SLC8A1: variants seen among roughly 807,000 people sequenced by gnomAD.
SLC8A1 encodes sodium/calcium exchanger 1.
A neutral mutation model predicts 68.3 loss-of-function variants in SLC8A1; 18 were observed. The ratio of observed to expected loss-of-function variants is 0.26; its 90% CI spans 0.18 to 0.39. The LOEUF is 0.39. Ranked by LOEUF, SLC8A1 falls within the 10% of genes least tolerant of loss-of-function variation. SLC8A1 has a pLI of 1.00. For synonymous variants in SLC8A1, 475 were observed against 415.5 expected (o/e 1.14, Z -1.74); for missense variants, 985 against 1,156.7 (o/e 0.85, Z 2.15).
intron 6 of SLC8A1, among the ~76,000 whole-genome samples, chr2:40,152,721 T>C (rs6720270): frequency 0.17 from 25,088 of 151,910 alleles, 2,320 homozygotes; most frequent in African/African-American, 0.22. Context: ...TGACCTCCTC[T>C]GCAGTTTTGA....
chr2:40,180,574 C>T (rs367803861), intron 2 of SLC8A1, among the ~76,000 whole-genome samples: 14 of 152,178 alleles, frequency 9.2e-5, no homozygotes, highest in African/African-American at 2.9e-4. Flanking sequence ...AATAGGGCCA[C>T]GCTACTGTTC....
intron 7 of SLC8A1, among the ~76,000 whole-genome samples, chr2:40,133,284 G>A (rs965703785): frequency 2.0e-5 from 3 of 151,500 alleles, no homozygotes; most frequent in Non-Finnish European, 4.4e-5. Flanking sequence ...TATATATCAA[G>A]TTCTTTCTAT....
chr2:40,367,980 C>A (rs1272991490), intron 2 of SLC8A1, among the ~76,000 whole-genome samples: 1 of 152,082 alleles, frequency 6.6e-6, no homozygotes, highest in East Asian at 1.9e-4. Context: ...CCCACTGAAT[C>A]TTAAACCTTT....
chr2:40,402,586 T>C (rs567715786), intron 2 of SLC8A1, among the ~76,000 whole-genome samples: 60 of 152,354 alleles, frequency 3.9e-4, no homozygotes, highest in African/African-American at 1.4e-3. Context: ...TGTAGGCTTT[T>C]ATTGATTGAA....
chr2:40,482,664 G>A (rs1559761083), intron 1 of SLC8A1, among the ~76,000 whole-genome samples: 2 of 152,140 alleles, frequency 1.3e-5, no homozygotes, highest in Non-Finnish European at 2.9e-5. Context: ...AATCCAGACA[G>A]CCTGTCTCCA....
At chr2:40,224,078 A>T (rs2058676131) in intron 2 of SLC8A1, among the ~76,000 whole-genome samples, 1 of 152,148 alleles carries the variant, frequency 6.6e-6, no homozygotes, top group Non-Finnish European at 1.5e-5. Flanking sequence ...AAGGCCTGGA[A>T]TGTTCGCTTC....
intron 5 of SLC8A1, 42 bp downstream of exon 8, chr2:40,164,812 A>T: frequency 6.2e-7 from 1 of 1,610,176 alleles, no homozygotes; most frequent in Non-Finnish European, 8.5e-7. Context: ...TTTCTGTCCC[A>T]AGGTGAGACT....
chr2:40,279,277 T>C lies in SLC8A1; in HGVS notation c.1809-101422A>G, dbSNP rs552171802. On this transcript the variant is annotated intron_variant, in intron 2 of 7. Transcript: ENST00000406785. ...AATTTTCTGGCTCCCTTATACTACA[T>C]TGTAGCCTCACAGCATTCAAGCAGG... Among the ~76,000 whole-genome samples, 4 of 152,298 alleles carry C rather than the reference T, an allele frequency of 2.6e-5. No individual in the cohort carries two copies. The East Asian group carries it at 5.8e-4, about 22-fold the overall frequency.
At chr2:40,307,246 G>A (rs1383414181) in intron 2 of SLC8A1, among the ~76,000 whole-genome samples, 1 of 151,936 alleles carries the variant, frequency 6.6e-6, no homozygotes, top group South Asian at 2.1e-4. Context: ...CCTGTCACAT[G>A]GTACACGGTT....
At chr2:40,180,913 C>T (rs1382970073) in intron 2 of SLC8A1, among the ~76,000 whole-genome samples, 1 of 152,052 alleles carries the variant, frequency 6.6e-6, no homozygotes, top group African/African-American at 2.4e-5. Flanking sequence ...TGTTTCTAAT[C>T]CTTGGTGAAT....
chr2:40,160,489 G>A (rs959886777), intron 6 of SLC8A1, among the ~76,000 whole-genome samples: 16 of 152,024 alleles, frequency 1.1e-4, no homozygotes, highest in South Asian at 4.1e-4. Context: ...TTGGCTATTC[G>A]TGAATTAGAG....
At chr2:40,269,261 T>C (rs543697582) in intron 2 of SLC8A1, among the ~76,000 whole-genome samples, 1 of 152,312 alleles carries the variant, frequency 6.6e-6, no homozygotes, top group South Asian at 2.1e-4. Context: ...TTTCCAAAGA[T>C]GAACAACTAT....
chr2:40,269,878 T>C (rs1407328552), intron 2 of SLC8A1, among the ~76,000 whole-genome samples: 1 of 152,092 alleles, frequency 6.6e-6, no homozygotes, highest in African/African-American at 2.4e-5. Context: ...TAGCACAAAG[T>C]AAGCAGAGAT....
rs200227103 is a variant in SLC8A1, at chr2:40,149,309, TC to T, written c.2162-9634del. 9.7e-3 allele frequency among the ~76,000 whole-genome samples: 1,470 copies of T among 152,276 alleles called. 25 individuals are homozygous for T. The highest frequency in any genetic ancestry group is 0.033 in the African/African-American group (1,356 of 41,554). On this transcript the variant is annotated intron_variant, in intron 6 of 7. Transcript: ENST00000406785. ...GCATTGCAAATGCAGAAAAATAAGA[TC>T]CCTGATCTCATAGAATTTCCATTCT...
intron 2 of SLC8A1, among the ~76,000 whole-genome samples, chr2:40,410,992 C>T (rs1337978068): frequency 6.6e-6 from 1 of 151,966 alleles, no homozygotes; most frequent in South Asian, 2.1e-4. Flanking sequence ...AATACAGCTG[C>T]AGGCTTGATA....
chr2:40,141,112 G>T (rs2041477725), intron 6 of SLC8A1, among the ~76,000 whole-genome samples: 1 of 152,080 alleles, frequency 6.6e-6, no homozygotes, highest in Non-Finnish European at 1.5e-5. Context: ...TTGTCATCAG[G>T]GTGCTACTTT....
At chr2:40,441,008 A>T (rs1700367108) in intron 1 of SLC8A1, among the ~76,000 whole-genome samples, 1 of 152,230 alleles carries the variant, frequency 6.6e-6, no homozygotes, top group African/African-American at 2.4e-5. Context: ...TGCAGATGAC[A>T]TAATTCTATA....
At chr2:40,159,331 T>C (rs994239012) in intron 6 of SLC8A1, among the ~76,000 whole-genome samples, 1 of 152,204 alleles carries the variant, frequency 6.6e-6, no homozygotes, top group Admixed American at 6.5e-5. Context: ...AGAACAATAA[T>C]TGACATAGAA....
chr2:40,362,002 C>A (rs113320242), intron 2 of SLC8A1, among the ~76,000 whole-genome samples: 2 of 134,880 alleles, frequency 1.5e-5, no homozygotes, highest in Non-Finnish European at 3.1e-5. Flanking sequence ...TCAAGTGATT[C>A]TCCTGACTCA....
Sources: allele counts gnomAD v4.1 joint callset (sites outside exome capture counted in the v4.1 genomes callset), GRCh38; gene constraint gnomAD v4.1.1; transcripts MANE v1.5; gene names NCBI Gene and HGNC (gene_info 2026-07-23, HGNC 2026-07-21).